Variants in SHISA6 observed in about 807,000 individuals in gnomAD.
SHISA6 encodes the protein protein shisa-6.
A neutral mutation model predicts 47.9 loss-of-function variants in SHISA6; 22 were observed. The observed-to-expected ratio is 0.46, with a 90% CI of 0.33 to 0.66. The LOEUF (loss-of-function observed/expected upper bound fraction) is 0.66. Ranked by LOEUF, SHISA6 falls within the 30% of genes least tolerant of loss-of-function variation. SHISA6 has a pLI of 0.02. For missense variants in SHISA6, 680 were observed against 764.6 expected, an observed-to-expected ratio of 0.89 and a Z score of 1.30; for synonymous variants, 388 against 337.8, an observed-to-expected ratio of 1.15 and a Z score of -1.63.
intron 2 of SHISA6, among the ~76,000 whole-genome samples, chr17:11,317,606 C>A (rs554581218): frequency 6.6e-6 from 1 of 151,672 alleles, no homozygotes; most frequent in Non-Finnish European, 1.5e-5. Context: ...ATAATTATTT[C>A]GATTTTGTTT....
intron 2 of SHISA6, among the ~76,000 whole-genome samples, chr17:11,353,479 C>CG (rs1911970677): frequency 6.6e-6 from 1 of 150,394 alleles, no homozygotes; most frequent in Non-Finnish European, 1.5e-5. Context: ...AAGGGTGAGG[C>CG]GGGGGGTCCT....
chr17:11,263,310 C>A, intron 1 of SHISA6, 56 bp from the exon 2 acceptor site: 1 of 1,534,006 alleles, frequency 6.5e-7, no homozygotes, highest in South Asian at 1.2e-5. Context: ...CAACTCCCCT[C>A]ATGGTTGTGC....
chr17:11,365,427 A>G (rs1567585533), intron 2 of SHISA6, among the ~76,000 whole-genome samples: 1 of 152,020 alleles, frequency 6.6e-6, no homozygotes, highest in Non-Finnish European at 1.5e-5. Context: ...ACAGGCACTC[A>G]CCACCACATC....
intron 3 of SHISA6, among the ~76,000 whole-genome samples, chr17:11,519,522 G>A (rs905009306): frequency 2.6e-5 from 4 of 152,172 alleles, no homozygotes; most frequent in African/African-American, 9.7e-5. Context: ...GTTTATTGGG[G>A]ACAGAGTTTC....
At chr17:11,444,840 A>G in intron 3 of SHISA6, among the ~76,000 whole-genome samples, 1 of 152,152 alleles carries the variant, frequency 6.6e-6, no homozygotes, top group East Asian at 1.9e-4. Flanking sequence ...ACGTCCTGGC[A>G]ACCATCTCAA....
chr17:11,278,652 C>T (rs573439703), intron 2 of SHISA6, among the ~76,000 whole-genome samples: 1 of 152,360 alleles, frequency 6.6e-6, no homozygotes, highest in South Asian at 2.1e-4. Context: ...ATCAAGACCC[C>T]GCTGTGGGTG....
intron 3 of SHISA6, among the ~76,000 whole-genome samples, chr17:11,408,075 G>A (rs533433105): frequency 6.6e-6 from 1 of 152,284 alleles, no homozygotes; most frequent in Admixed American, 6.5e-5. Flanking sequence ...TGAAGCCAGA[G>A]GGAAAAGCTG....
chr17:11,516,442 A>G (rs1335380654), intron 3 of SHISA6, among the ~76,000 whole-genome samples: 2 of 152,234 alleles, frequency 1.3e-5, no homozygotes, highest in Non-Finnish European at 2.9e-5. Flanking sequence ...TCACAGGGGC[A>G]GAATAAAGAT....
intron 4 of SHISA6, among the ~76,000 whole-genome samples, chr17:11,554,802 G>T (rs1237409442): frequency 2.0e-5 from 3 of 151,874 alleles, no homozygotes; most frequent in Non-Finnish European, 4.4e-5. Context: ...AGCTCTTTCT[G>T]TCCCCTCATC....
At chr17:11,298,896 G>T (rs1418247075) in intron 2 of SHISA6, among the ~76,000 whole-genome samples, 1 of 152,220 alleles carries the variant, frequency 6.6e-6, no homozygotes, top group Non-Finnish European at 1.5e-5. Flanking sequence ...GGCTCTCTGA[G>T]GGTGGACTGA....
chr17:11,517,605 C>T (rs1357236926), intron 3 of SHISA6, among the ~76,000 whole-genome samples: 1 of 152,158 alleles, frequency 6.6e-6, no homozygotes, highest in Non-Finnish European at 1.5e-5. Flanking sequence ...CAGGCTCAAG[C>T]TATCCTCCTG....
intron 3 of SHISA6, among the ~76,000 whole-genome samples, chr17:11,412,866 T>G (rs993228173): frequency 2.2e-4 from 33 of 152,094 alleles, no homozygotes; most frequent in African/African-American, 8.0e-4. Flanking sequence ...AGGAACAATC[T>G]GGGAAGCACT....
intron 2 of SHISA6, among the ~76,000 whole-genome samples, chr17:11,302,954 CTT>C (rs796334687): frequency 2.0e-5 from 3 of 152,264 alleles, no homozygotes; most frequent in African/African-American, 7.2e-5. Flanking sequence ...AGGCTGATGG[CTT>C]TGTCATTTCC....
chr17:11,280,348 A>T (rs1909076100), intron 2 of SHISA6, among the ~76,000 whole-genome samples: 1 of 152,212 alleles, frequency 6.6e-6, no homozygotes, highest in Non-Finnish European at 1.5e-5. Context: ...AGTTAAATAT[A>T]ATAGCTGTGT....
At chr17:11,504,394 G>A (rs2071480599) in intron 3 of SHISA6, among the ~76,000 whole-genome samples, 1 of 152,152 alleles carries the variant, frequency 6.6e-6, no homozygotes, top group Non-Finnish European at 1.5e-5. Flanking sequence ...TGAGGAGGAG[G>A]TGAAGCATCC....
intron 3 of SHISA6, among the ~76,000 whole-genome samples, chr17:11,448,848 G>A (rs1248826903): frequency 1.3e-5 from 2 of 152,002 alleles, no homozygotes; most frequent in Non-Finnish European, 2.9e-5. Context: ...AAATCATCTT[G>A]TCTCTTCAGC....
intron 2 of SHISA6, chr17:11,288,241 G>T (rs1174796467): frequency 6.6e-6 from 1 of 152,162 alleles, no homozygotes; most frequent in Non-Finnish European, 1.5e-5. Context: ...TTTTATTGCT[G>T]CAATAGGACC....
chr17:11,410,961 T>A (rs956226544), intron 3 of SHISA6, among the ~76,000 whole-genome samples: 9 of 152,146 alleles, frequency 5.9e-5, no homozygotes, highest in Non-Finnish European at 8.8e-5. Flanking sequence ...CTATTTTTTT[T>A]ATTTTTTTAT....
At chr17:11,245,369 G>T (rs1217513747) in intron 1 of SHISA6, among the ~76,000 whole-genome samples, 1 of 152,174 alleles carries the variant, frequency 6.6e-6, no homozygotes, top group East Asian at 1.9e-4. Context: ...TCAAGCTGCA[G>T]CCATCCACAG....
Sources: gnomAD v4.1 joint callset for allele counts (sites outside exome capture counted in the v4.1 genomes callset) on GRCh38, gnomAD v4.1.1 for gene constraint, MANE v1.5 for transcripts, NCBI Gene and HGNC (gene_info 2026-07-23, HGNC 2026-07-21) for gene names.